The following PEX14 variants were observed in gnomAD, a reference collection of about 807,000 sequenced individuals.
The protein encoded by PEX14 is peroxisomal membrane protein PEX14.
A neutral mutation model predicts 49.5 loss-of-function variants in PEX14; 15 were observed. That is an observed-to-expected ratio of 0.30 (90% confidence interval 0.20 to 0.47). The LOEUF is 0.47. Among genes scored for constraint, PEX14 ranks in the 20% least tolerant of loss-of-function variants. PEX14 has a pLI of 1.00. For synonymous variants in PEX14, 210 were observed against 212.7 expected (o/e 0.99, Z 0.11); for missense variants, 398 against 494.8 (o/e 0.80, Z 1.86).
chr1:10,543,730 C>T (rs149040609), intron 3 of PEX14, among the ~76,000 whole-genome samples: 1 of 152,240 alleles, frequency 6.6e-6, no homozygotes, highest in Non-Finnish European at 1.5e-5. Flanking sequence ...CCTTAGCCTC[C>T]CGAGTAGCTG....
chr1:10,504,959 ATT>A (rs1641755814), intron 2 of PEX14, among the ~76,000 whole-genome samples: 1 of 151,848 alleles, frequency 6.6e-6, no homozygotes, highest in African/African-American at 2.4e-5. Flanking sequence ...AAGTTTTTGT[ATT>A]TTTAGTAGAG....
At position 10,481,198 on chromosome 1, in the gene PEX14, TGCA is replaced by T. The variant is rs1378603622; in HGVS notation, c.36+6197_36+6199del. On this transcript the variant is annotated intron_variant, in intron 1 of 8. Coordinates refer to ENST00000356607, the MANE Select transcript of PEX14 (RefSeq NM_004565.3). ...TGTTGCCCAGGCTGGAGTGCAGTGG[TGCA>T]ATCTTGGCTCACTACAACCTCCGCT... Among the ~76,000 whole-genome samples, 2 of 149,560 alleles carry T rather than the reference TGCA, an allele frequency of 1.3e-5. 1 individual carries two copies.
At chr1:10,534,139 C>T (rs1441708418) in intron 2 of PEX14, among the ~76,000 whole-genome samples, 1 of 152,224 alleles carries the variant, frequency 6.6e-6, no homozygotes, top group Admixed American at 6.5e-5. Context: ...CACATTTCCG[C>T]TGACACCTGG....
chr1:10,544,730 G>A (rs1456784218), intron 3 of PEX14, among the ~76,000 whole-genome samples: 1 of 150,918 alleles, frequency 6.6e-6, no homozygotes, highest in Non-Finnish European at 1.5e-5. Flanking sequence ...AGTATGCATT[G>A]ATCTGCTATC....
At position 10,629,811 on chromosome 1, in the gene PEX14, A is replaced by G. The variant is rs756632717; in HGVS notation, c.958A>G (p.Arg320Gly). The change falls in exon 9 of 9, where the codon AGG becomes GGG. Residue 320 changes from arginine (R) to glycine (G), a missense_variant. Physicochemically the swap from Arg to Gly is moderately radical, Grantham distance 125. Around this residue, in one of 3 missense-constraint regions of PEX14, gnomAD observed 140 missense variants for 155.5 expected, o/e 0.90. Transcript: ENST00000356607. This position sits in a 1 kb window ranked among gnomAD's most constrained non-coding sequence, Gnocchi z 8.5. ...RMEVQGEEEK[R>G]EDKEDEEDEE... The stretch of plus-strand genomic sequence containing the variant: ...GGAGGTGCAAGGCGAGGAGGAGAAG[A>G]GGGAGGACAAGGAGGACGAGGAGGA... The G allele has an allele frequency of 1.3e-6, 2 of 1,590,766 alleles. No individual in the cohort carries two copies. Among genetic ancestry groups the G allele is most frequent in the Non-Finnish European group, 1.7e-6 (2 of 1,163,070 alleles).
At chr1:10,565,599 A>G (rs911157154) in intron 3 of PEX14, among the ~76,000 whole-genome samples, 3 of 152,086 alleles carry the variant, frequency 2.0e-5, no homozygotes, top group Non-Finnish European at 2.9e-5. Flanking sequence ...TTTTATTTCC[A>G]TATCTACAAA....
chr1:10,612,493 T>G (rs1199845956), intron 4 of PEX14, among the ~76,000 whole-genome samples: 3 of 152,212 alleles, frequency 2.0e-5, no homozygotes, highest in Non-Finnish European at 1.5e-5. Context: ...AAATACAGGC[T>G]TTGCATTTTC....
At chr1:10,488,553 G>A (rs1230687714) in intron 1 of PEX14, among the ~76,000 whole-genome samples, 1 of 151,354 alleles carries the variant, frequency 6.6e-6, no homozygotes, top group East Asian at 2.0e-4. Context: ...TGGCTGGAGT[G>A]CAGTGGCGTG....
chr1:10,571,103 C>T (rs994171424), intron 3 of PEX14, among the ~76,000 whole-genome samples: 12 of 150,342 alleles, frequency 8.0e-5, no homozygotes, highest in African/African-American at 1.7e-4. Context: ...GCAGTCCTCC[C>T]ACCTCGGCCT....
chr1:10,628,280 G>A lies in PEX14; in HGVS notation c.677+917G>A, dbSNP rs568892698. 3.3e-5 allele frequency among the ~76,000 whole-genome samples: 5 copies of A among 152,358 alleles called. No individual in the cohort carries two copies. The South Asian group carries it at 1.0e-3, about 32-fold the overall frequency. The stretch of plus-strand genomic sequence containing the variant: ...AAGTCCAGTGTCCAGGAGCCACTCT[G>A]TCCTGGGAGCCGCAACTGTGGGCCA... On this transcript the variant is annotated intron_variant, in intron 8 of 8. Transcript: ENST00000356607. This position sits in a 1 kb window ranked among gnomAD's most constrained non-coding sequence, Gnocchi z 4.5.
intron 3 of PEX14, among the ~76,000 whole-genome samples, chr1:10,550,012 G>T (rs1044291127): frequency 5.3e-5 from 8 of 152,114 alleles, no homozygotes; most frequent in African/African-American, 1.7e-4. Flanking sequence ...ACAAGGCATG[G>T]TGCTGGCCCT....
At chr1:10,528,089 T>C (rs1339696300) in intron 2 of PEX14, among the ~76,000 whole-genome samples, 1 of 152,256 alleles carries the variant, frequency 6.6e-6, no homozygotes. Context: ...GCCCATCTTC[T>C]TGCCCTTAGG....
In PEX14 at chr1:10,494,333, TG is replaced by T. The variant is rs981162043; in HGVS notation, c.37-938del. ...AGAATGGAGGCTGCAGGCTGTCTCC[TG>T]GGACACACAGATTTTGCTGCACTTG... On this transcript the variant is annotated intron_variant, in intron 1 of 8. Coordinates refer to ENST00000356607, the MANE Select transcript of PEX14 (RefSeq NM_004565.3). This position sits in a 1 kb window ranked among gnomAD's most constrained non-coding sequence, Gnocchi z 4.3. Among the ~76,000 whole-genome samples the T allele has an allele frequency of 1.3e-5, 2 of 152,248 alleles. No homozygotes were observed.
intron 2 of PEX14, among the ~76,000 whole-genome samples, chr1:10,534,688 T>C (rs1175245476): frequency 6.6e-6 from 1 of 152,036 alleles, no homozygotes; most frequent in Non-Finnish European, 1.5e-5. Flanking sequence ...GTCGGCAGCA[T>C]TGGAGGACAG....
At chr1:10,578,605 A>G (rs1264722400) in intron 3 of PEX14, among the ~76,000 whole-genome samples, 1 of 152,212 alleles carries the variant, frequency 6.6e-6, no homozygotes, top group Non-Finnish European at 1.5e-5. Context: ...AAACTCAGTT[A>G]ATAGAAACAA....
At chr1:10,547,902 T>C (rs763405745) in intron 3 of PEX14, among the ~76,000 whole-genome samples, 1 of 152,196 alleles carries the variant, frequency 6.6e-6, no homozygotes, top group Non-Finnish European at 1.5e-5. Flanking sequence ...GTATCATCAC[T>C]GGCTTTCGAG....
intron 3 of PEX14, among the ~76,000 whole-genome samples, chr1:10,577,554 ATATATATATTTT>A (rs1640173726): frequency 1.2e-4 from 1 of 8,088 alleles, no homozygotes; most frequent in African/African-American, 3.1e-4. Flanking sequence ...ATATATATAT[ATATATATATTTT>A]TTTTTTTTTT....
chr1:10,578,000 C>T (rs988979812), intron 3 of PEX14, among the ~76,000 whole-genome samples: 2 of 151,892 alleles, frequency 1.3e-5, no homozygotes, highest in African/African-American at 4.8e-5. Flanking sequence ...AGGTATTCCC[C>T]AATCCATCAG....
Position 10,629,035 on chromosome 1 carries a change from C to T in PEX14, c.678-496C>T, listed in dbSNP as rs144207237. Among the ~76,000 whole-genome samples the T allele has an allele frequency of 1.5e-3, 232 of 152,378 alleles. No individual in the cohort carries two copies. Among genetic ancestry groups the T allele is most frequent in the African/African-American group, 5.3e-3 (221 of 41,596 alleles). On this transcript the variant is annotated intron_variant, in intron 8 of 8. Coordinates refer to ENST00000356607, the MANE Select transcript of PEX14 (RefSeq NM_004565.3). This position sits in a 1 kb window ranked among gnomAD's most constrained non-coding sequence, Gnocchi z 8.5. ...CACCGCCCTTTTGGTTCTGATGTGT[C>T]TGACCCCCTGCCAGTGGCCAGGGCT...
Sources: allele counts gnomAD v4.1 joint callset (sites outside exome capture counted in the v4.1 genomes callset), GRCh38; gene constraint gnomAD v4.1.1; regional missense constraint gnomAD v4.1.1; non-coding constraint Gnocchi (gnomAD v3.1); transcripts MANE v1.5; gene names NCBI Gene and HGNC (gene_info 2026-07-23, HGNC 2026-07-21).